S100Z: variants seen among roughly 807,000 people sequenced by gnomAD.
S100Z encodes the protein S100 calcium binding protein Z.
S100Z carries 11 observed loss-of-function variants against 8.5 expected under a neutral mutation model. That is an observed-to-expected ratio of 1.30 (90% confidence interval 0.82 to 2.15). The LOEUF (loss-of-function observed/expected upper bound fraction) is 2.15. Among genes scored for constraint, S100Z ranks in the 30% most tolerant of loss-of-function variants. The pLI is 0.00. For missense variants in S100Z, 126 were observed against 117.9 expected, an observed-to-expected ratio of 1.07 and a Z score of -0.32; for synonymous variants, 34 against 43.8, an observed-to-expected ratio of 0.78 and a Z score of 0.89.
chr5:76,892,845 A>C (rs965299760), intron 4 of S100Z, among the ~76,000 whole-genome samples: 1 of 152,196 alleles, frequency 6.6e-6, no homozygotes, highest in African/African-American at 2.4e-5. Context: ...AGAGTAGAAG[A>C]AGCAATCAAG....
intron 2 of S100Z, among the ~76,000 whole-genome samples, chr5:76,873,718 C>T (rs1269964529): frequency 6.6e-6 from 1 of 152,204 alleles, no homozygotes; most frequent in Admixed American, 6.5e-5. Context: ...GTTGAGGTTA[C>T]ATACTGACTA....
At chr5:76,855,349 C>G (rs188187559) in intron 1 of S100Z, among the ~76,000 whole-genome samples, 1 of 152,086 alleles carries the variant, frequency 6.6e-6, no homozygotes, top group East Asian at 1.9e-4. Context: ...AATGCCAGCC[C>G]GTGAAAACAG....
intron 1 of S100Z, among the ~76,000 whole-genome samples, chr5:76,851,415 T>C (rs1445332265): frequency 6.6e-6 from 1 of 152,032 alleles, no homozygotes; most frequent in Non-Finnish European, 1.5e-5. Flanking sequence ...CATGCAGTAA[T>C]TCAGGCCAGA....
At chr5:76,863,096 G>A (rs1022511736) in intron 1 of S100Z, among the ~76,000 whole-genome samples, 2 of 152,296 alleles carry the variant, frequency 1.3e-5, no homozygotes, top group African/African-American at 2.4e-5. Flanking sequence ...ACTTTCTGTA[G>A]TTCCTGGAGT....
At chr5:76,851,821 A>C (rs763127908) in intron 1 of S100Z, among the ~76,000 whole-genome samples, 2 of 152,174 alleles carry the variant, frequency 1.3e-5, no homozygotes, top group Non-Finnish European at 2.9e-5. Context: ...ATTAAGTAGG[A>C]GAGAAAGCAG....
the S100Z span, among the ~76,000 whole-genome samples, chr5:76,942,480 C>G: frequency 6.8e-6 from 1 of 146,888 alleles, no homozygotes; most frequent in African/African-American, 2.5e-5. Context: ...AAATGACTGT[C>G]TTCTCCTAAA....
chr5:76,947,084 G>C, the S100Z span, among the ~76,000 whole-genome samples: 1 of 152,212 alleles, frequency 6.6e-6, no homozygotes, highest in African/African-American at 2.4e-5. Flanking sequence ...GTAAAACTTA[G>C]AATTGTTGGT....
rs781422456 is a variant in S100Z, at chr5:76,877,829, ATAAAGG to A, written c.*1_*2+4del. ...TAGAACAATTGAAGAAGAAAGGAAA[ATAAAGG>A]TAAGTAATAAGCTCATCTAAAGGCA... On this transcript the variant is annotated splice_donor_variant and coding_sequence_variant and 3_prime_UTR_variant, in exon 4 of 5. Coordinates refer to ENST00000317593, the MANE Select transcript of S100Z (RefSeq NM_130772.4). LOFTEE classifies it high-confidence loss of function. 14 of 1,610,318 alleles carry A rather than the reference ATAAAGG, an allele frequency of 8.7e-6. No homozygotes were observed. The South Asian group carries it at 1.5e-4, about 18-fold the overall frequency.
the S100Z span, among the ~76,000 whole-genome samples, chr5:76,932,158 G>T: frequency 6.6e-6 from 1 of 151,966 alleles, no homozygotes; most frequent in Non-Finnish European, 1.5e-5. Context: ...TTTCTCCCCA[G>T]TGAAAAGATA....
chr5:76,923,119 A>G (rs115894747), downstream of S100Z, among the ~76,000 whole-genome samples: 57 of 152,098 alleles, frequency 3.7e-4, no homozygotes, highest in African/African-American at 1.3e-3. Flanking sequence ...TGAAATTTCC[A>G]TGACTATCTC....
At chr5:76,908,956 G>T (rs1482792965) in intron 4 of S100Z, among the ~76,000 whole-genome samples, 1 of 152,148 alleles carries the variant, frequency 6.6e-6, no homozygotes, top group African/African-American at 2.4e-5. Flanking sequence ...AGATTTTTGA[G>T]AATGCATCAG....
At chr5:76,911,376 G>C (rs56714314) in intron 4 of S100Z, among the ~76,000 whole-genome samples, 3,685 of 152,198 alleles carry the variant, frequency 0.024, 170 homozygotes, top group African/African-American at 0.083. Flanking sequence ...AACCCCTATA[G>C]CCTGCTCTCC....
chr5:76,924,336 T>C (rs558395371), downstream of S100Z, among the ~76,000 whole-genome samples: 9 of 152,308 alleles, frequency 5.9e-5, no homozygotes, highest in South Asian at 1.5e-3. Context: ...CTTGTGCTTA[T>C]GTGTGTTAAA....
At chr5:76,918,800 T>A (rs1302684069) in intron 4 of S100Z, among the ~76,000 whole-genome samples, 1 of 152,256 alleles carries the variant, frequency 6.6e-6, no homozygotes, top group Non-Finnish European at 1.5e-5. Flanking sequence ...TACAGTATGA[T>A]ACACAATACC....
chr5:76,932,023 A>C, the S100Z span, among the ~76,000 whole-genome samples: 4,852 of 152,202 alleles, frequency 0.032, 258 homozygotes, highest in African/African-American at 0.11. Flanking sequence ...TTATATATAT[A>C]ATTTATAACA....
intron 4 of S100Z, among the ~76,000 whole-genome samples, chr5:76,892,910 T>C (rs1248622209): frequency 6.6e-6 from 1 of 152,184 alleles, no homozygotes; most frequent in African/African-American, 2.4e-5. Context: ...CTTTGTCCCT[T>C]ACCTATGAAG....
the S100Z span, among the ~76,000 whole-genome samples, chr5:76,949,250 G>A: frequency 6.6e-6 from 1 of 152,086 alleles, no homozygotes; most frequent in East Asian, 1.9e-4. Flanking sequence ...TTAGCCTGGT[G>A]TGGTGGCAGG....
intron 4 of S100Z, among the ~76,000 whole-genome samples, chr5:76,915,502 G>T (rs753480340): frequency 6.6e-6 from 1 of 151,974 alleles, no homozygotes; most frequent in South Asian, 2.1e-4. Flanking sequence ...TGGCTACTCC[G>T]GAGGCTAAGG....
downstream of S100Z, among the ~76,000 whole-genome samples, chr5:76,925,739 G>A (rs1745127943): frequency 2.0e-5 from 3 of 152,214 alleles, no homozygotes; most frequent in South Asian, 6.2e-4. Flanking sequence ...GGCTGAGGGG[G>A]GCGGATCACT....
Sources: gnomAD v4.1 joint callset for allele counts (sites outside exome capture counted in the v4.1 genomes callset) on GRCh38, gnomAD v4.1.1 for gene constraint, MANE v1.5 for transcripts, NCBI Gene and HGNC (gene_info 2026-07-23, HGNC 2026-07-21) for gene names.